The following FAAH2 variants were observed in gnomAD, a reference collection of about 807,000 sequenced individuals.
The protein encoded by FAAH2 is fatty acid amide hydrolase 2.
FAAH2 carries 60 observed loss-of-function variants against 36.9 expected under a neutral mutation model. The ratio of observed to expected loss-of-function variants is 1.63; its 90% confidence interval spans 1.32 to 2.02. The LOEUF (loss-of-function observed/expected upper bound fraction) is 2.02, where lower values mean the gene tolerates loss of function less well. Among genes scored for constraint, FAAH2 ranks in the 30% most tolerant of loss-of-function variants. The probability of loss-of-function intolerance (pLI) is 0.00; values close to 1 mark genes in which losing one functional copy is unlikely to be tolerated. For missense variants in FAAH2, 689 were observed against 397.5 expected (o/e 1.73, Z -6.23); for synonymous variants, 214 against 143.8 (o/e 1.49, Z -3.49).
At chrX:57,406,423 A>T (rs1183582585) in intron 7 of FAAH2, among the ~76,000 whole-genome samples, 2 of 111,437 alleles carry the variant, frequency 1.8e-5, no homozygotes, top group African/African-American at 3.3e-5. Flanking sequence ...GAGCCAGCTT[A>T]CCCTGGGGTA....
chrX:57,313,766 T>C (rs180876719), intron 3 of FAAH2, among the ~76,000 whole-genome samples: 22 of 111,091 alleles, frequency 2.0e-4, no homozygotes, highest in Admixed American at 1.3e-3. Context: ...GTGCTAAACA[T>C]GAGTTCAAAA....
At chrX:57,349,949 A>T (rs1437058584) in intron 5 of FAAH2, among the ~76,000 whole-genome samples, 1 of 110,761 alleles carries the variant, frequency 9.0e-6, no homozygotes, top group East Asian at 2.8e-4. Context: ...TCGTCACAGC[A>T]CATTATAATA....
At chrX:57,351,072 T>C (rs998101592) in intron 5 of FAAH2, among the ~76,000 whole-genome samples, 3 of 111,502 alleles carry the variant, frequency 2.7e-5, no homozygotes, top group East Asian at 5.6e-4. Flanking sequence ...TTCTCCAATA[T>C]GAACCACAGG....
At chrX:57,231,810 T>C in the FAAH2 span, among the ~76,000 whole-genome samples, 1 of 111,781 alleles carries the variant, frequency 8.9e-6, no homozygotes, top group South Asian at 3.7e-4. Flanking sequence ...AAAACAGAAA[T>C]TGTTCTATGT....
chrX:57,469,778 C>T (rs1408949426), intron 10 of FAAH2, among the ~76,000 whole-genome samples: 4 of 111,866 alleles, frequency 3.6e-5, no homozygotes, highest in South Asian at 7.5e-4. Context: ...GTCTTCACCC[C>T]AAATCAACAG....
intron 5 of FAAH2, 27 bp downstream of exon 5, chrX:57,341,417 G>T (rs1473467661): frequency 8.4e-7 from 1 of 1,190,913 alleles, no homozygotes; most frequent in South Asian, 1.9e-5. Flanking sequence ...CAGAAGGGTG[G>T]TTCTACTTTT....
At chrX:57,325,242 A>T (rs2053176340) in intron 3 of FAAH2, among the ~76,000 whole-genome samples, 1 of 111,722 alleles carries the variant, frequency 9.0e-6, no homozygotes, top group Non-Finnish European at 1.9e-5. Context: ...TCAGTTTGCC[A>T]GTATTTTATT....
At chrX:57,466,024 A>G (rs2057040593) in intron 10 of FAAH2, among the ~76,000 whole-genome samples, 1 of 108,475 alleles carries the variant, frequency 9.2e-6, no homozygotes, top group African/African-American at 3.3e-5. Context: ...GACTCTACAA[A>G]TGTACTTTCC....
chrX:57,135,560 C>G, the FAAH2 span: 22 of 477,721 alleles, frequency 4.6e-5, no homozygotes, highest in Non-Finnish European at 7.3e-5. Flanking sequence ...TTATTCACAG[C>G]CGAAATTGAC....
At chrX:57,222,389 A>C in the FAAH2 span, among the ~76,000 whole-genome samples, 1 of 111,258 alleles carries the variant, frequency 9.0e-6, no homozygotes, top group Non-Finnish European at 1.9e-5. Context: ...CTATATCGAC[A>C]GATGATGTAA....
the FAAH2 span, among the ~76,000 whole-genome samples, chrX:57,223,794 C>T: frequency 0.071 from 7,973 of 111,727 alleles, 705 homozygotes; most frequent in African/African-American, 0.25. Flanking sequence ...TATAATTCTC[C>T]GTTTTGGACT....
At chrX:57,405,975 G>C (rs1251895484) in intron 7 of FAAH2, among the ~76,000 whole-genome samples, 1 of 108,639 alleles carries the variant, frequency 9.2e-6, no homozygotes, top group African/African-American at 3.4e-5. Flanking sequence ...AGGATCCATT[G>C]CTATGGAGAT....
chrX:57,285,890 G>C (rs1258161459), upstream of FAAH2, among the ~76,000 whole-genome samples: 1 of 112,075 alleles, frequency 8.9e-6, no homozygotes, highest in Non-Finnish European at 1.9e-5. Context: ...AGAGTGATCA[G>C]CTAGATTATT....
chrX:57,436,968 T>C (rs2056423576), intron 8 of FAAH2, among the ~76,000 whole-genome samples: 1 of 110,746 alleles, frequency 9.0e-6, no homozygotes, highest in Non-Finnish European at 1.9e-5. Context: ...AGAGCATAGA[T>C]GCAAAACTCC....
intron 3 of FAAH2, among the ~76,000 whole-genome samples, chrX:57,322,280 G>T (rs1180036113): frequency 9.0e-6 from 1 of 111,630 alleles, no homozygotes; most frequent in Non-Finnish European, 1.9e-5. Flanking sequence ...GTGAGCCACC[G>T]CACCCGGCCT....
At chrX:57,284,386 T>C (rs191126091), upstream of FAAH2, among the ~76,000 whole-genome samples, 1 of 86,909 alleles carries the variant, frequency 1.2e-5, no homozygotes, top group African/African-American at 6.4e-5. Flanking sequence ...CACCATATCA[T>C]AACAAAACAA....
rs188321485 is a variant in FAAH2 at position 57,480,058 on chromosome X, C to T, written c.1424-8699C>T. Among the ~76,000 whole-genome samples, 962 of 111,254 alleles carry T rather than the reference C, an allele frequency of 8.6e-3. 6 individuals carry two copies. The highest frequency in any genetic ancestry group is 0.018 in the Middle Eastern group (4 of 217). Reference sequence around the variant, plus strand: ...ACACATACACCCTCCCAAGACTAAACCAGGAAGAAGTTGACTCTCTGAATA... The same window carrying T: ...ACACATACACCCTCCCAAGACTAAATCAGGAAGAAGTTGACTCTCTGAATA... On this transcript the variant is annotated intron_variant, in intron 10 of 10. Coordinates refer to ENST00000374900, the MANE Select transcript of FAAH2 (RefSeq NM_174912.4).
At chrX:57,394,525 A>C in intron 7 of FAAH2, 4 of 1,208,221 alleles carry the variant, frequency 3.3e-6, no homozygotes, top group Non-Finnish European at 4.5e-6. Context: ...TAAGGTTGTT[A>C]TACTGAATCA....
At chrX:57,292,666 A>G (rs920542670) in intron 2 of FAAH2, 86 bp downstream of exon 2, 9 of 745,012 alleles carry the variant, frequency 1.2e-5, no homozygotes, top group Non-Finnish European at 1.8e-5. Flanking sequence ...TATTTCCTAG[A>G]TTCTTCTTTC....
Sources: allele counts gnomAD v4.1 joint callset (sites outside exome capture counted in the v4.1 genomes callset), GRCh38; gene constraint gnomAD v4.1.1; transcripts MANE v1.5; gene names NCBI Gene and HGNC (gene_info 2026-07-23, HGNC 2026-07-21).